MVB12B: variants seen among roughly 807,000 people sequenced by gnomAD.
MVB12B encodes multivesicular body subunit 12B, also known as ESCRT-I complex subunit MVB12B.
Under a neutral mutation model 41.6 loss-of-function variants are expected in MVB12B, and 16 were observed. The observed-to-expected ratio is 0.38, with a 90% CI of 0.26 to 0.58. The LOEUF (loss-of-function observed/expected upper bound fraction) is 0.58, where lower values mean the gene tolerates loss of function less well. Ranked by LOEUF, MVB12B falls within the 20% of genes least tolerant of loss-of-function variation. The pLI is 0.62. For synonymous variants in MVB12B, 133 were observed against 139.7 expected (o/e 0.95, Z 0.34); for missense variants, 274 against 380.2 (o/e 0.72, Z 2.32).
At chr9:126,426,411 T>G (rs1832177532) in intron 7 of MVB12B, among the ~76,000 whole-genome samples, 1 of 152,206 alleles carries the variant, frequency 6.6e-6, no homozygotes, top group Admixed American at 6.5e-5. Flanking sequence ...AGATCTTACC[T>G]CTTTGGAGGG....
At chr9:126,381,837 G>T (rs1830646715) in intron 3 of MVB12B, among the ~76,000 whole-genome samples, 1 of 151,750 alleles carries the variant, frequency 6.6e-6, no homozygotes, top group African/African-American at 2.4e-5. Flanking sequence ...CCTGCCCTGG[G>T]CACCTCATTC....
At chr9:126,402,910 C>T (rs1400625917) in intron 6 of MVB12B, among the ~76,000 whole-genome samples, 1 of 152,214 alleles carries the variant, frequency 6.6e-6, no homozygotes, top group African/African-American at 2.4e-5. Flanking sequence ...GACGTCAGCA[C>T]GGGGGTGTGA....
chr9:126,327,244 G>T, intron 1 of MVB12B: 1 of 984,706 alleles, frequency 1.0e-6, no homozygotes, highest in Non-Finnish European at 1.2e-6. Flanking sequence ...GCGGCGAGAG[G>T]CGGGAGAAGC....
chr9:126,458,776 A>G (rs950231111), intron 7 of MVB12B, among the ~76,000 whole-genome samples: 1 of 152,212 alleles, frequency 6.6e-6, no homozygotes, highest in African/African-American at 2.4e-5. Flanking sequence ...GCTGGAAGTC[A>G]TTACTCAGGG....
At chr9:126,455,372 G>A (rs1234240332) in intron 7 of MVB12B, among the ~76,000 whole-genome samples, 1 of 151,698 alleles carries the variant, frequency 6.6e-6, no homozygotes, top group Non-Finnish European at 1.5e-5. Context: ...ATTTTTAGTA[G>A]AGACGGGGTT....
At chr9:126,502,949 C>G (rs1484126074) in intron 9 of MVB12B, among the ~76,000 whole-genome samples, 2 of 152,230 alleles carry the variant, frequency 1.3e-5, no homozygotes, top group African/African-American at 2.4e-5. Flanking sequence ...GTCATCACCA[C>G]AGGAGCCTGT....
At chr9:126,345,243 C>T (rs1000437581) in intron 2 of MVB12B, among the ~76,000 whole-genome samples, 2 of 152,188 alleles carry the variant, frequency 1.3e-5, no homozygotes, top group Admixed American at 1.3e-4. Flanking sequence ...TTGAGAGCTG[C>T]CACACCTTAG....
chr9:126,389,692 G>A lies in MVB12B; in HGVS notation c.410-2374G>A, dbSNP rs374726868. On this transcript the variant is annotated intron_variant, in intron 4 of 9. Coordinates refer to ENST00000361171, the MANE Select transcript of MVB12B (RefSeq NM_033446.3). This position sits in a 1 kb window ranked among gnomAD's most constrained non-coding sequence, Gnocchi z 4.4. ...GTGCTTTCTAAGGCCGATCTGATCA[G>A]CTGATAATCTTTGAAGTTGCAGAGT... Among the ~76,000 whole-genome samples, 23 of 152,206 alleles carry A rather than the reference G, an allele frequency of 1.5e-4. No homozygotes were observed. The South Asian group carries it at 4.6e-3, about 30-fold the overall frequency.
At chr9:126,398,530 C>T (rs1230523435) in intron 6 of MVB12B, among the ~76,000 whole-genome samples, 2 of 152,216 alleles carry the variant, frequency 1.3e-5, no homozygotes, top group Non-Finnish European at 2.9e-5. Context: ...TAGGTGATAT[C>T]ATATCGTGTA....
chr9:126,470,450 G>A (rs1833287468), intron 7 of MVB12B, among the ~76,000 whole-genome samples: 1 of 152,172 alleles, frequency 6.6e-6, no homozygotes, highest in Admixed American at 6.5e-5. Context: ...TCAGAGAACT[G>A]CCCTGGACCT....
chr9:126,445,062 A>G (rs1223897268), intron 7 of MVB12B, among the ~76,000 whole-genome samples: 4 of 152,210 alleles, frequency 2.6e-5, no homozygotes, highest in Admixed American at 2.6e-4. Flanking sequence ...AGAAATTTAG[A>G]ATCACTTTAA....
At chr9:126,424,935 G>A (rs993602348) in intron 7 of MVB12B, among the ~76,000 whole-genome samples, 32 of 152,292 alleles carry the variant, frequency 2.1e-4, no homozygotes, top group African/African-American at 7.5e-4. Context: ...GGTGGGAGGT[G>A]GATAGATCTT....
At chr9:126,382,838 G>A (rs921690700) in intron 3 of MVB12B, among the ~76,000 whole-genome samples, 3 of 152,128 alleles carry the variant, frequency 2.0e-5, no homozygotes, top group Admixed American at 6.5e-5. Flanking sequence ...GAAGTCACTG[G>A]GGCTTGTTAG....
chr9:126,326,944 C>T lies in MVB12B; in HGVS notation c.15C>T (p.Phe5=). Residue 5 remains phenylalanine (F), a synonymous_variant, in exon 1 of 10, where the codon TTC becomes TTT. Coordinates refer to ENST00000361171, the MANE Select transcript of MVB12B (RefSeq NM_033446.3). ...CCGCCCGGGCGATGAGAAGCTGCTT[C>T]TGCGTGAGACGGAGCCGGGACCCGC... MRSC[F]CVRRSRDPPP... is the part of the protein sequence containing the mutation. 1 of 277,772 alleles carries T rather than the reference C, an allele frequency of 3.6e-6. No homozygotes were observed. Among genetic ancestry groups the T allele is most frequent in the Non-Finnish European group, 7.3e-6 (1 of 137,262 alleles). The allele number at this position is 277,772 out of a possible 1,614,324, so 17.2% of individuals were successfully genotyped here.
chr9:126,421,816 C>A, intron 6 of MVB12B, 38 bp from the exon 7 acceptor site: 1 of 1,506,446 alleles, frequency 6.6e-7, no homozygotes. Context: ...GGGGAATGCT[C>A]CTTGTAATCT....
At chr9:126,431,664 C>G (rs1379490692) in intron 7 of MVB12B, among the ~76,000 whole-genome samples, 1 of 152,084 alleles carries the variant, frequency 6.6e-6, no homozygotes, top group Non-Finnish European at 1.5e-5. Context: ...TTTAATGGGC[C>G]ACATCCCCTT....
At chr9:126,369,327 A>G (rs1362995353) in intron 2 of MVB12B, among the ~76,000 whole-genome samples, 1 of 152,254 alleles carries the variant, frequency 6.6e-6, no homozygotes, top group Non-Finnish European at 1.5e-5. Flanking sequence ...TTAAAATTAA[A>G]AAGTTATGTT....
intron 7 of MVB12B, among the ~76,000 whole-genome samples, chr9:126,467,415 C>T (rs1168688443): frequency 6.6e-6 from 1 of 152,138 alleles, no homozygotes; most frequent in Non-Finnish European, 1.5e-5. Context: ...GATCACCTGG[C>T]GAAGGTGCTG....
At chr9:126,380,963 A>G (rs917778) in intron 2 of MVB12B, 101 bp from the exon 3 acceptor site, 642,183 of 797,788 alleles carry the variant, frequency 0.8, 261,085 homozygotes, top group African/African-American at 0.91. Flanking sequence ...GGAGATCCCA[A>G]GCTGGTGTTA....
Sources: allele counts gnomAD v4.1 joint callset (sites outside exome capture counted in the v4.1 genomes callset), GRCh38; gene constraint gnomAD v4.1.1; non-coding constraint Gnocchi (gnomAD v3.1); transcripts MANE v1.5; gene names NCBI Gene and HGNC (gene_info 2026-07-23, HGNC 2026-07-21).